JCAD: variants seen among roughly 807,000 people sequenced by gnomAD.
JCAD encodes the protein junctional cadherin 5-associated protein.
Under a neutral mutation model 98.0 loss-of-function variants are expected in JCAD, and 40 were observed. The observed-to-expected ratio is 0.41, with a 90% CI of 0.32 to 0.53. JCAD has a LOEUF of 0.53. Ranked by LOEUF, JCAD falls within the 20% of genes least tolerant of loss-of-function variation. JCAD has a pLI of 0.31. For synonymous variants in JCAD, 691 were observed against 682.3 expected, an observed-to-expected ratio of 1.01 and a Z score of -0.20; for missense variants, 1,705 against 1,738.1, an observed-to-expected ratio of 0.98 and a Z score of 0.34.
intron 2 of JCAD, among the ~76,000 whole-genome samples, chr10:30,042,833 T>G (rs1207929989): frequency 1.3e-5 from 2 of 152,112 alleles, no homozygotes; most frequent in African/African-American, 2.4e-5. Flanking sequence ...AAAGGATCTA[T>G]GAAGGAGGGA....
chr10:30,082,864 A>C (rs1328654355), intron 1 of JCAD, among the ~76,000 whole-genome samples: 77 of 148,996 alleles, frequency 5.2e-4, no homozygotes, highest in Non-Finnish European at 1.0e-3. Context: ...AAAAAAAAAA[A>C]AAAAAAAAAA....
chr10:30,091,346 C>A (rs145008906), intron 1 of JCAD, among the ~76,000 whole-genome samples: 2 of 152,162 alleles, frequency 1.3e-5, no homozygotes, highest in Admixed American at 6.5e-5. Context: ...CTTGGAGGGG[C>A]GTAGGAGGTA....
intron 1 of JCAD, among the ~76,000 whole-genome samples, chr10:30,080,561 G>T (rs532773637): frequency 6.6e-6 from 1 of 152,262 alleles, no homozygotes; most frequent in South Asian, 2.1e-4. Flanking sequence ...TTTCTCCATT[G>T]ACAAACCTAT....
At chr10:30,114,755 G>C (rs984094687) in intron 1 of JCAD, among the ~76,000 whole-genome samples, 3 of 151,880 alleles carry the variant, frequency 2.0e-5, no homozygotes, top group African/African-American at 7.3e-5. Context: ...GTATCACTTA[G>C]AAAGTCATGA....
intron 2 of JCAD, among the ~76,000 whole-genome samples, chr10:30,037,227 A>AT (rs1837134447): frequency 6.6e-6 from 1 of 152,120 alleles, no homozygotes; most frequent in Non-Finnish European, 1.5e-5. Flanking sequence ...GAAGCCTGCA[A>AT]TTTCTTTTTT....
At position 30,054,408 on chromosome 10, in the gene JCAD, T is replaced by C. The variant is rs1837526680; in HGVS notation, c.-60+5074A>G. 5.3e-5 allele frequency among the ~76,000 whole-genome samples: 8 copies of C among 152,032 alleles called. No homozygotes were observed. In the South Asian group the frequency reaches 1.7e-3, roughly 31 times the overall value. On this transcript the variant is annotated intron_variant, in intron 1 of 3. Coordinates refer to ENST00000375377, the MANE Select transcript of JCAD (RefSeq NM_020848.4). ...AAATTGTCATTTTGCAGGTCAAAAATAGTCAAATATTGGCAATTTCATATA... is the reference window on the plus strand; with the variant it reads ...AAATTGTCATTTTGCAGGTCAAAAACAGTCAAATATTGGCAATTTCATATA...
In JCAD at chr10:30,017,812, G is replaced by C. The variant is rs1222653695; in HGVS notation, c.*71C>G. The C allele has an allele frequency of 7.1e-7, 1 of 1,403,620 alleles. No individual in the cohort carries two copies. The highest frequency in any genetic ancestry group is 1.0e-6 in the Non-Finnish European group (1 of 988,252). The allele number at this position is 1,403,620 out of a possible 1,614,324, so 86.9% of individuals were successfully genotyped here. On this transcript the variant is annotated 3_prime_UTR_variant, in exon 4 of 4. Transcript: ENST00000375377. ...AGCTTCTACATGGGGAAGTGGGGCT[G>C]ATAGACTAAATCTACCAGCTACTTG... is the stretch of plus-strand genomic sequence containing the variant.
At chr10:30,114,491 T>C (rs984127110) in intron 1 of JCAD, among the ~76,000 whole-genome samples, 1 of 148,822 alleles carries the variant, frequency 6.7e-6, no homozygotes, top group Non-Finnish European at 1.5e-5. Flanking sequence ...ATTGGCAAAC[T>C]AGAAAATACC....
At chr10:30,080,832 C>T (rs763544454) in intron 1 of JCAD, among the ~76,000 whole-genome samples, 12 of 152,190 alleles carry the variant, frequency 7.9e-5, no homozygotes, top group Admixed American at 2.6e-4. Context: ...AACCACGGGC[C>T]TGCACATCCT....
chr10:30,036,661 G>A (rs1030798980), intron 2 of JCAD, among the ~76,000 whole-genome samples: 5 of 152,154 alleles, frequency 3.3e-5, no homozygotes, highest in African/African-American at 1.2e-4. Flanking sequence ...CTTGCTGCCT[G>A]CCTAATGAAC....
At chr10:30,018,786 TTA>T (rs1836592388) in intron 3 of JCAD, among the ~76,000 whole-genome samples, 1 of 152,170 alleles carries the variant, frequency 6.6e-6, no homozygotes, top group Admixed American at 6.6e-5. Context: ...CAAAGGCTTC[TTA>T]TTTTTTAAAG....
rs1396769446 is a variant in JCAD, at chr10:30,026,216, G to A, written c.3932C>T (p.Ala1311Val). The change falls in exon 3 of 4, where the codon GCC becomes GTC. Residue 1311 changes from alanine to valine, a missense_variant. Transcript: ENST00000375377. Reference sequence around the variant, plus strand: ...AGAGAGTGAGTGGCCCAATCTCTGGGCACGGTCCCCACTGCCAGGAGACAC... The same window carrying A: ...AGAGAGTGAGTGGCCCAATCTCTGGACACGGTCCCCACTGCCAGGAGACAC... ...GLVSPGSGDRAQRLGHSLSVS... is the reference protein window; with the variant it reads ...GLVSPGSGDRVQRLGHSLSVS... 6.2e-7 allele frequency: 1 copy of A among 1,614,038 alleles called. No individual in the cohort carries two copies. The highest frequency in any genetic ancestry group is 8.5e-7 in the Non-Finnish European group (1 of 1,180,038).
chr10:30,086,779 T>C (rs894205833), intron 1 of JCAD, among the ~76,000 whole-genome samples: 15 of 152,250 alleles, frequency 9.9e-5, no homozygotes, highest in African/African-American at 3.6e-4. Context: ...TTGAAAATGC[T>C]CCTATACCTT....
At chr10:30,060,107 C>CTA (rs1192009808), upstream of JCAD, among the ~76,000 whole-genome samples, 1 of 141,110 alleles carries the variant, frequency 7.1e-6, no homozygotes, top group African/African-American at 2.5e-5. Context: ...CACAGTATGG[C>CTA]TATACACACA....
intron 1 of JCAD, among the ~76,000 whole-genome samples, chr10:30,091,040 A>G (rs750441041): frequency 5.9e-5 from 9 of 152,336 alleles, no homozygotes; most frequent in Non-Finnish European, 8.8e-5. Context: ...CTTCATGGCC[A>G]AATAAAATCA....
chr10:30,070,213 CTG>C (rs1197211499), intron 1 of JCAD, among the ~76,000 whole-genome samples: 4 of 152,312 alleles, frequency 2.6e-5, no homozygotes, highest in South Asian at 2.1e-4. Flanking sequence ...TGAAAAATAA[CTG>C]TGAAAATCCA....
At chr10:30,038,876 C>T (rs544424850) in intron 2 of JCAD, among the ~76,000 whole-genome samples, 2 of 152,086 alleles carry the variant, frequency 1.3e-5, no homozygotes, top group South Asian at 2.1e-4. Context: ...CTGGGGCAGC[C>T]GCCAGCTGCG....
intron 1 of JCAD, among the ~76,000 whole-genome samples, chr10:30,107,526 T>TGAATAATCCACCCTTTGTTTAGC (rs1838606816): frequency 6.6e-6 from 1 of 152,222 alleles, no homozygotes; most frequent in South Asian, 2.1e-4. Flanking sequence ...GGAAAACTCA[T>TGAATAATCCACCCTTTGTTTAGC]GAATAATCCA....
Position 30,027,558 on chromosome 10 carries a change from C to T in JCAD, c.2590G>A (p.Ala864Thr), listed in dbSNP as rs1012800919. The T allele has an allele frequency of 2.5e-6, 4 of 1,613,844 alleles. No homozygotes were observed. In the African/African-American group the frequency reaches 4.0e-5, roughly 16 times the overall value. ...GCACGGTTCTCCTGCTGCGGCTCCGCCTCACTCTCCTCACTGCTGCTGCTG... is the reference window on the plus strand; with the variant it reads ...GCACGGTTCTCCTGCTGCGGCTCCGTCTCACTCTCCTCACTGCTGCTGCTG... ...SSSSSSEESE[A>T]EPQQENRAHC... Residue 864 changes from alanine to threonine, a missense_variant, in exon 3 of 4, where the codon GCG (alanine) becomes ACG (threonine). Transcript: ENST00000375377.
Sources: gnomAD v4.1 joint callset for allele counts (sites outside exome capture counted in the v4.1 genomes callset) on GRCh38, gnomAD v4.1.1 for gene constraint, MANE v1.5 for transcripts, NCBI Gene and HGNC (gene_info 2026-07-23, HGNC 2026-07-21) for gene names.